Variants in SH3PXD2B observed in about 807,000 individuals in gnomAD.
The protein encoded by SH3PXD2B is SH3 and PX domains 2B.
Under a neutral mutation model 73.1 loss-of-function variants are expected in SH3PXD2B, and 37 were observed. The ratio of observed to expected loss-of-function variants is 0.51; its 90% CI spans 0.39 to 0.67. The LOEUF (loss-of-function observed/expected upper bound fraction) is 0.67, where lower values mean the gene tolerates loss of function less well. Among genes scored for constraint, SH3PXD2B ranks in the 30% least tolerant of loss-of-function variants. SH3PXD2B has a pLI of 0.00. For synonymous variants in SH3PXD2B, 457 were observed against 480.5 expected, an observed-to-expected ratio of 0.95 and a Z score of 0.64; for missense variants, 1,053 against 1,197.8, an observed-to-expected ratio of 0.88 and a Z score of 1.78.
At chr5:172,422,146 C>T (rs1190125100) in intron 2 of SH3PXD2B, among the ~76,000 whole-genome samples, 2 of 152,116 alleles carry the variant, frequency 1.3e-5, no homozygotes, top group African/African-American at 4.8e-5. Context: ...AGGCACCCGT[C>T]ACCGCACCTG....
At chr5:172,364,677 C>CA (rs1342066078) in intron 6 of SH3PXD2B, among the ~76,000 whole-genome samples, 6 of 150,878 alleles carry the variant, frequency 4.0e-5, no homozygotes, top group Non-Finnish European at 7.4e-5. Flanking sequence ...GCTCCCCGCC[C>CA]AAAAAAACCA....
intron 2 of SH3PXD2B, among the ~76,000 whole-genome samples, chr5:172,414,090 C>T (rs986948935): frequency 1.3e-5 from 2 of 152,148 alleles, no homozygotes; most frequent in Admixed American, 6.5e-5. Context: ...AGCATGGGGG[C>T]TTATGGGCAG....
At chr5:172,427,447 G>A (rs1759121817) in intron 1 of SH3PXD2B, among the ~76,000 whole-genome samples, 1 of 152,144 alleles carries the variant, frequency 6.6e-6, no homozygotes, top group Non-Finnish European at 1.5e-5. Flanking sequence ...CTGGACTCAA[G>A]CAATCCTCCC....
chr5:172,336,661 A>G lies in SH3PXD2B; in HGVS notation c.*1708T>C. On this transcript the variant is annotated 3_prime_UTR_variant, in exon 13 of 13. Coordinates refer to ENST00000311601, the MANE Select transcript of SH3PXD2B (RefSeq NM_001017995.3). The stretch of plus-strand genomic sequence containing the variant: ...TCCAAAAGTATCTCGCCTGATGAAC[A>G]CTGTGAACTGGAGATCTCTGGGGCA... The G allele has an allele frequency of 2.1e-6, 2 of 965,712 alleles. No individual in the cohort carries two copies. Among genetic ancestry groups the G allele is most frequent in the Non-Finnish European group, 2.4e-6 (2 of 825,608 alleles). The allele number at this position is 965,712 out of a possible 1,614,324, so 59.8% of individuals were successfully genotyped here.
At chr5:172,433,106 A>G (rs1291618307) in intron 1 of SH3PXD2B, among the ~76,000 whole-genome samples, 2 of 152,098 alleles carry the variant, frequency 1.3e-5, no homozygotes, top group East Asian at 1.9e-4. Flanking sequence ...ATGTAACACA[A>G]TGGTGAGTAT....
Position 172,373,794 on chromosome 5 carries a change from T to C in SH3PXD2B, c.423A>G (p.Lys141=). The change falls in exon 6 of 13, where the codon AAA becomes AAG. Residue 141 remains lysine, a synonymous_variant. Coordinates refer to ENST00000311601, the MANE Select transcript of SH3PXD2B (RefSeq NM_001017995.3). ...GAAAATAGAAAATATTCTTACCAGA[T>C]TTCTTTTTCCCAATGTGCTCCCTGT... ...PPKEEHIGKK[K]SGGDQTSVDP... The C allele has an allele frequency of 1.9e-6, 3 of 1,613,970 alleles. No homozygotes were observed. Among genetic ancestry groups the C allele is most frequent in the Non-Finnish European group, 2.5e-6 (3 of 1,179,958 alleles).
At chr5:172,372,637 T>C (rs1757731904) in intron 6 of SH3PXD2B, among the ~76,000 whole-genome samples, 1 of 152,188 alleles carries the variant, frequency 6.6e-6, no homozygotes, top group African/African-American at 2.4e-5. Context: ...ACTGACAATG[T>C]GCCAGGCACT....
chr5:172,415,545 C>G (rs550397553), intron 2 of SH3PXD2B, among the ~76,000 whole-genome samples: 127 of 152,310 alleles, frequency 8.3e-4, no homozygotes, highest in African/African-American at 2.6e-3. Context: ...GCTTCAGTTT[C>G]CCCATCTGTG....
intron 1 of SH3PXD2B, among the ~76,000 whole-genome samples, chr5:172,443,865 G>A (rs1759603543): frequency 6.6e-6 from 1 of 152,268 alleles, no homozygotes; most frequent in Admixed American, 6.5e-5. Context: ...CATTCAGGAC[G>A]GAGGTCGGGG....
intron 1 of SH3PXD2B, among the ~76,000 whole-genome samples, chr5:172,446,053 G>C (rs1402259981): frequency 2.6e-5 from 4 of 152,296 alleles, no homozygotes; most frequent in Middle Eastern, 3.4e-3. Context: ...CCCGTGTCAC[G>C]TCAGTGGGCA....
chr5:172,325,769 T>G (rs769347738), intron 12 of SH3PXD2B, among the ~76,000 whole-genome samples: 1 of 150,976 alleles, frequency 6.6e-6, no homozygotes, highest in Non-Finnish European at 1.5e-5. Flanking sequence ...GGTTTTTTGT[T>G]TTGTTTTGTT....
At chr5:172,435,258 G>A (rs1186985719) in intron 1 of SH3PXD2B, among the ~76,000 whole-genome samples, 1 of 152,132 alleles carries the variant, frequency 6.6e-6, no homozygotes, top group East Asian at 1.9e-4. Context: ...CCATTTAAAA[G>A]TAATTTAAGT....
At chr5:172,354,083 G>A in intron 8 of SH3PXD2B, 78 bp from the exon 9 acceptor site, 1 of 1,362,662 alleles carries the variant, frequency 7.3e-7, no homozygotes, top group Non-Finnish European at 1.0e-6. Flanking sequence ...TGATGCCCTT[G>A]CCCGTCGGAG....
intron 1 of SH3PXD2B, among the ~76,000 whole-genome samples, chr5:172,431,241 C>T (rs115377877): frequency 0.015 from 2,332 of 152,336 alleles, 73 homozygotes; most frequent in African/African-American, 0.053. Context: ...GATCCAAGCC[C>T]GGCCAATCAG....
chr5:172,406,478 T>C, intron 2 of SH3PXD2B, 126 bp from the exon 3 acceptor site: 1 of 1,089,900 alleles, frequency 9.2e-7, no homozygotes, highest in Non-Finnish European at 1.3e-6. Flanking sequence ...CGTTCAGCTT[T>C]CCAGAAACCC....
At chr5:172,391,179 T>C (rs1272271961) in intron 4 of SH3PXD2B, among the ~76,000 whole-genome samples, 1 of 152,054 alleles carries the variant, frequency 6.6e-6, no homozygotes, top group Non-Finnish European at 1.5e-5. Flanking sequence ...TACTCTATGT[T>C]CTCACCATCA....
intron 3 of SH3PXD2B, among the ~76,000 whole-genome samples, chr5:172,395,769 C>T (rs183858145): frequency 8.9e-4 from 123 of 138,630 alleles, no homozygotes; most frequent in Non-Finnish European, 1.5e-3. Context: ...GGGCCAAAGA[C>T]ATGGGAGATG....
Position 172,445,554 on chromosome 5 carries a change from T to C in SH3PXD2B, c.75+8724A>G, listed in dbSNP as rs981737003. On this transcript the variant is annotated intron_variant, in intron 1 of 12. Transcript: ENST00000311601. The surrounding 1 kb of genome is among the most constrained non-coding windows in gnomAD (Gnocchi z 5.2). Reference sequence around the variant, plus strand: ...GGTGGTGGTTGCTGTTTTTCCAAAGTGGTAGCTCTGGCAGCTTTGCCAGAT... The same window carrying C: ...GGTGGTGGTTGCTGTTTTTCCAAAGCGGTAGCTCTGGCAGCTTTGCCAGAT... Among the ~76,000 whole-genome samples the C allele has an allele frequency of 6.6e-6, 1 of 152,154 alleles. No homozygotes were observed. The highest frequency in any genetic ancestry group is 1.5e-5 in the Non-Finnish European group (1 of 68,024).
intron 8 of SH3PXD2B, 98 bp from the exon 9 acceptor site, chr5:172,354,103 C>T (rs1283021693): frequency 1.6e-6 from 2 of 1,213,962 alleles, no homozygotes; most frequent in Non-Finnish European, 2.4e-6. Context: ...GGGAGGATTT[C>T]CTTCAGAGAT....
Sources: gnomAD v4.1 joint callset for allele counts (sites outside exome capture counted in the v4.1 genomes callset) on GRCh38, gnomAD v4.1.1 for gene constraint, Gnocchi (gnomAD v3.1) non-coding constraint, MANE v1.5 for transcripts, NCBI Gene and HGNC (gene_info 2026-07-23, HGNC 2026-07-21) for gene names.